Variants in CHD7 observed in about 807,000 individuals in gnomAD.
The protein encoded by CHD7 is chromodomain helicase DNA binding protein 7.
A neutral mutation model predicts 307.3 loss-of-function variants in CHD7; 24 were observed. That is an observed-to-expected ratio of 0.08 (90% CI 0.06 to 0.11). CHD7 has a LOEUF of 0.11. Among genes scored for constraint, CHD7 ranks in the 10% least tolerant of loss-of-function variants. The pLI, the probability that CHD7 is intolerant of heterozygous loss-of-function variation, is 1.00. For missense variants in CHD7, 3,106 were observed against 3,727.1 expected (o/e 0.83, Z 4.34); for synonymous variants, 1,363 against 1,349.9 (o/e 1.01, Z -0.21).
At chr8:60,726,051 C>T (rs1326132529) in intron 1 of CHD7, among the ~76,000 whole-genome samples, 1 of 152,142 alleles carries the variant, frequency 6.6e-6, no homozygotes, top group African/African-American at 2.4e-5. Context: ...AGTTACTTTC[C>T]GATTACTAAT....
intron 26 of CHD7, 52 bp downstream of exon 26, chr8:60,850,674 A>G (rs1232115141): frequency 1.5e-5 from 24 of 1,554,144 alleles, no homozygotes; most frequent in African/African-American, 5.4e-5. Context: ...TTTCACATCT[A>G]TTGGCAGGGT....
rs1805142590 is a variant in CHD7, at chr8:60,844,981, G to A, written c.4968G>A (p.Gly1656=). 6.2e-7 allele frequency: 1 copy of A among 1,613,756 alleles called. No homozygotes were observed. ...ILVYCLNHYK[G]DENIKSFIWD... ...TGTACTGTCTTAATCATTACAAAGGGGATGAGAATATCAAAAGCTTCATCT... is the reference window on the plus strand; with the variant it reads ...TGTACTGTCTTAATCATTACAAAGGAGATGAGAATATCAAAAGCTTCATCT... The change falls in exon 22 of 38, where the codon GGG becomes GGA. Residue 1656 remains glycine (G), a synonymous_variant. Transcript: ENST00000423902.
intron 4 of CHD7, among the ~76,000 whole-genome samples, chr8:60,797,185 A>G (rs1812073298): frequency 6.6e-6 from 1 of 152,226 alleles, no homozygotes; most frequent in South Asian, 2.1e-4. Flanking sequence ...TTAATTTTAC[A>G]TTGGGGAATT....
intron 21 of CHD7, among the ~76,000 whole-genome samples, chr8:60,842,634 A>T (rs1191536333): frequency 6.6e-6 from 1 of 152,180 alleles, no homozygotes; most frequent in Non-Finnish European, 1.5e-5. Context: ...CTCAGTAAAT[A>T]TCTGAATTGG....
At position 60,841,706 on chromosome 8, in the gene CHD7, A is replaced by G. The variant is rs1586426104; in HGVS notation, c.4596A>G (p.Gln1532=). The change falls in exon 20 of 38, where the codon CAA becomes CAG. Residue 1532 remains glutamine, a synonymous_variant. Coordinates refer to ENST00000423902, the MANE Select transcript of CHD7 (RefSeq NM_017780.4). ...DISLDDPNFW[Q]KWAKKAELDI... ...CCTTGGATGATCCAAATTTCTGGCA[A>G]AAGTGGGCTAAGAAGGCTGAATTGG... The G allele has an allele frequency of 1.2e-6, 2 of 1,609,798 alleles. No homozygotes were observed. The highest frequency in any genetic ancestry group is 2.2e-5 in the East Asian group (1 of 44,742).
At chr8:60,696,698 T>A (rs977978443) in intron 1 of CHD7, among the ~76,000 whole-genome samples, 1 of 151,956 alleles carries the variant, frequency 6.6e-6, no homozygotes, top group African/African-American at 2.4e-5. Flanking sequence ...CTCAAGAAAC[T>A]CTCTGATACT....
At chr8:60,732,406 C>G (rs1457680961) in intron 1 of CHD7, among the ~76,000 whole-genome samples, 1 of 152,222 alleles carries the variant, frequency 6.6e-6, no homozygotes, top group East Asian at 1.9e-4. Context: ...CTTGCCTCAC[C>G]TCTGCATCCT....
intron 13 of CHD7, among the ~76,000 whole-genome samples, chr8:60,828,122 A>G (rs2150760030): frequency 6.6e-6 from 1 of 152,354 alleles, no homozygotes; most frequent in South Asian, 2.1e-4. Context: ...TCTGATTAAA[A>G]AAAAGTGATT....
At chr8:60,784,052 G>A (rs117006192) in intron 3 of CHD7, among the ~76,000 whole-genome samples, 389 of 152,300 alleles carry the variant, frequency 2.6e-3, no homozygotes, top group Non-Finnish European at 3.0e-3. Context: ...TCTACTAAGT[G>A]TAGAAAGGAA....
chr8:60,865,907 A>G lies in CHD7; in HGVS notation c.8968A>G (p.Ile2990Val). Residue 2990 changes from isoleucine to valine, a missense_variant, in exon 38 of 38, where the codon ATA becomes GTA. Transcript: ENST00000423902. The surrounding 1 kb of genome is among the most constrained non-coding windows in gnomAD (Gnocchi z 4.3). ...ELDSLDGGDEIENNENDE is the reference protein window; with the variant it reads ...ELDSLDGGDEVENNENDE ...AGACTCACTTGATGGGGGGGATGAA[A>G]TAGAAAACAATGAAAATGATGAATA... The G allele has an allele frequency of 6.2e-7, 1 of 1,606,286 alleles. No individual in the cohort carries two copies. Among genetic ancestry groups the G allele is most frequent in the Non-Finnish European group, 8.5e-7 (1 of 1,176,262 alleles).
At chr8:60,830,947 A>C (rs1267722709) in intron 15 of CHD7, among the ~76,000 whole-genome samples, 4 of 152,166 alleles carry the variant, frequency 2.6e-5, no homozygotes, top group African/African-American at 7.2e-5. Context: ...TTAAAGAGGA[A>C]CTTAGGTGTG....
At chr8:60,767,990 A>G (rs1810552523) in intron 2 of CHD7, among the ~76,000 whole-genome samples, 1 of 152,164 alleles carries the variant, frequency 6.6e-6, no homozygotes, top group South Asian at 2.1e-4. Flanking sequence ...GTTGTTCTGA[A>G]AGTTTTTTTA....
At chr8:60,694,606 A>G (rs957111942) in intron 1 of CHD7, among the ~76,000 whole-genome samples, 13 of 152,226 alleles carry the variant, frequency 8.5e-5, no homozygotes, top group African/African-American at 3.1e-4. Flanking sequence ...TGGCCAGCCC[A>G]GAACATCCTG....
chr8:60,820,881 A>T (rs1291587675), intron 9 of CHD7, among the ~76,000 whole-genome samples: 5 of 152,164 alleles, frequency 3.3e-5, no homozygotes, highest in African/African-American at 1.2e-4. Context: ...TACTTCAAAA[A>T]ATTGTTTCAT....
In CHD7 at chr8:60,781,118, A is replaced by G; in HGVS notation, c.1784A>G (p.Gln595Arg). The change falls in exon 3 of 38, where the codon CAA becomes CGA. Residue 595 changes from glutamine to arginine, a missense_variant. Physicochemically the swap from Gln to Arg is conservative, Grantham distance 43. Transcript: ENST00000423902. ...DYLPSIEQQP[Q>R]QKKKKKKNNH... The stretch of plus-strand genomic sequence containing the variant: ...CTGCCATCAATAGAACAGCAGCCAC[A>G]ACAAAAGAAGAAGAAAAAGAAAAAC... The G allele has an allele frequency of 1.2e-6, 2 of 1,611,182 alleles. No homozygotes were observed. Among genetic ancestry groups the G allele is most frequent in the Non-Finnish European group, 1.7e-6 (2 of 1,178,582 alleles).
chr8:60,727,662 T>C (rs1808236604), intron 1 of CHD7, among the ~76,000 whole-genome samples: 1 of 152,214 alleles, frequency 6.6e-6, no homozygotes, highest in Non-Finnish European at 1.5e-5. Flanking sequence ...TGCTCTTTTC[T>C]CTTGTCATTC....
chr8:60,862,951 A>C (rs956252237), intron 37 of CHD7: 33 of 326,546 alleles, frequency 1.0e-4, no homozygotes, highest in Non-Finnish European at 1.7e-4. Context: ...TCACCTGTGG[A>C]ATAGGATGTA....
At chr8:60,769,545 C>T (rs1243425778) in intron 2 of CHD7, among the ~76,000 whole-genome samples, 1 of 152,168 alleles carries the variant, frequency 6.6e-6, no homozygotes, top group Non-Finnish European at 1.5e-5. Flanking sequence ...CAGATGGGAA[C>T]ATGACATAGA....
Position 60,803,770 on chromosome 8 carries a change from T to C in CHD7, c.2442+2177T>C, listed in dbSNP as rs138148791. Among the ~76,000 whole-genome samples the C allele has an allele frequency of 4.8e-3, 730 of 152,376 alleles. 2 individuals are homozygous for C. Among genetic ancestry groups the C allele is most frequent in the African/African-American group, 0.017 (689 of 41,588 alleles). On this transcript the variant is annotated intron_variant, in intron 6 of 37. Coordinates refer to ENST00000423902, the MANE Select transcript of CHD7 (RefSeq NM_017780.4). ...GCTAATATTCTCAAAGTAGATACTT[T>C]AGTTATCACCTTTAATAACATTGGA...
Sources: allele counts gnomAD v4.1 joint callset (sites outside exome capture counted in the v4.1 genomes callset), GRCh38; gene constraint gnomAD v4.1.1; non-coding constraint Gnocchi (gnomAD v3.1); transcripts MANE v1.5; gene names NCBI Gene and HGNC (gene_info 2026-07-23, HGNC 2026-07-21).